Variants in GPM6B observed in about 807,000 individuals in gnomAD.
GPM6B encodes glycoprotein M6B, also known as neuronal membrane glycoprotein M6-b.
Under a neutral mutation model 27.2 loss-of-function variants are expected in GPM6B, and 4 were observed. That is an observed-to-expected ratio of 0.15 (90% CI 0.07 to 0.34). The LOEUF is 0.34. Ranked by LOEUF, GPM6B falls within the 10% of genes least tolerant of loss-of-function variation. The pLI is 1.00. For missense variants in GPM6B, 183 were observed against 261.9 expected (o/e 0.70, Z 2.08); for synonymous variants, 124 against 103.1 (o/e 1.20, Z -1.23).
intron 1 of GPM6B, among the ~76,000 whole-genome samples, chrX:13,937,661 G>T (rs1603157236): frequency 9.0e-6 from 1 of 111,675 alleles, no homozygotes; most frequent in East Asian, 2.8e-4. Flanking sequence ...CACTCTTTAC[G>T]AGTTTTCCTC....
intron 1 of GPM6B, among the ~76,000 whole-genome samples, chrX:13,909,602 TACTG>T (rs767558793): frequency 4.1e-4 from 46 of 111,638 alleles, no homozygotes; most frequent in African/African-American, 1.4e-3. Flanking sequence ...ATAATCATGG[TACTG>T]ACTATGGGCC....
intron 1 of GPM6B, among the ~76,000 whole-genome samples, chrX:13,870,708 A>G (rs1265575720): frequency 8.9e-6 from 1 of 112,397 alleles, no homozygotes; most frequent in African/African-American, 3.2e-5. Context: ...TAAAAAGTAT[A>G]CAATGAACAT....
At chrX:13,842,384 T>A (rs1311418498) in intron 1 of GPM6B, among the ~76,000 whole-genome samples, 1 of 111,791 alleles carries the variant, frequency 8.9e-6, no homozygotes, top group Non-Finnish European at 1.9e-5. Context: ...GCGAAATATA[T>A]CATAAAGTGC....
chrX:13,875,556 A>G (rs898829611), intron 1 of GPM6B, among the ~76,000 whole-genome samples: 3 of 112,091 alleles, frequency 2.7e-5, no homozygotes, highest in Non-Finnish European at 5.6e-5. Context: ...ACAGGTGCTC[A>G]AACACTTGTA....
intron 1 of GPM6B, among the ~76,000 whole-genome samples, chrX:13,871,506 T>C (rs1434070185): frequency 8.9e-6 from 1 of 112,186 alleles, no homozygotes; most frequent in Non-Finnish European, 1.9e-5. Context: ...ATTAGCGCCT[T>C]TCTCCTCAAA....
upstream of GPM6B, among the ~76,000 whole-genome samples, chrX:13,820,283 G>A: frequency 9.0e-6 from 1 of 111,332 alleles, no homozygotes; most frequent in South Asian, 3.8e-4. Flanking sequence ...GGACCCAGAT[G>A]TCATTGGATT....
At chrX:13,885,674 C>A (rs887398610) in intron 1 of GPM6B, among the ~76,000 whole-genome samples, 4 of 111,212 alleles carry the variant, frequency 3.6e-5, no homozygotes, top group Non-Finnish European at 5.7e-5. Context: ...TTTGTATGAA[C>A]AACAACCCCC....
chrX:13,783,792 G>C, intron 3 of GPM6B: 1 of 434,572 alleles, frequency 2.3e-6, no homozygotes, highest in Non-Finnish European at 4.2e-6. Context: ...AGTCCTGGGC[G>C]GCAAGGGTTA....
chrX:13,834,367 C>A (rs769524684), intron 1 of GPM6B, among the ~76,000 whole-genome samples: 1 of 112,637 alleles, frequency 8.9e-6, no homozygotes, highest in South Asian at 3.7e-4. Flanking sequence ...TGTATTTTTA[C>A]AAAATGCCTT....
At chrX:13,904,027 T>C (rs1034160808) in intron 1 of GPM6B, among the ~76,000 whole-genome samples, 2 of 111,157 alleles carry the variant, frequency 1.8e-5, no homozygotes, top group African/African-American at 6.6e-5. Flanking sequence ...CCCTGGGCAG[T>C]CAGCTGAACC....
At chrX:13,846,790 C>CCTT (rs2031185073) in intron 1 of GPM6B, among the ~76,000 whole-genome samples, 3 of 85,435 alleles carry the variant, frequency 3.5e-5, no homozygotes, top group African/African-American at 1.4e-4. Context: ...ACTGCGCCAG[C>CCTT]TTTTTTTTTT....
chrX:13,799,633 G>C (rs1433544666), intron 2 of GPM6B, among the ~76,000 whole-genome samples: 3 of 110,275 alleles, frequency 2.7e-5, no homozygotes, highest in Non-Finnish European at 5.7e-5. Flanking sequence ...TAAAAATAAA[G>C]TGATCATCAT....
intron 1 of GPM6B, among the ~76,000 whole-genome samples, chrX:13,816,267 G>A (rs903477715): frequency 3.6e-5 from 4 of 109,996 alleles, no homozygotes; most frequent in African/African-American, 1.0e-4. Flanking sequence ...AAGATCCCCC[G>A]CCCTGCCTTT....
chrX:13,934,654 G>C (rs1171559302), intron 1 of GPM6B, among the ~76,000 whole-genome samples: 1 of 112,117 alleles, frequency 8.9e-6, no homozygotes, highest in Non-Finnish European at 1.9e-5. Context: ...ATGCATTCAA[G>C]TAGTGTTTAG....
chrX:13,816,926 T>C lies in GPM6B; in HGVS notation c.-22A>G, dbSNP rs2049246813. 1 of 1,183,189 alleles carries C rather than the reference T, an allele frequency of 8.5e-7. No individual in the cohort carries two copies. The highest frequency in any genetic ancestry group is 3.0e-5 in the East Asian group (1 of 33,075). ...TCATACCATCCACCAAAAATGCTTT[T>C]CCCCCTGTTCCCCCCAACACACACT... On this transcript the variant is annotated 5_prime_UTR_variant, in exon 1 of 8. Transcript: ENST00000316715.
intron 1 of GPM6B, among the ~76,000 whole-genome samples, chrX:13,845,044 C>A (rs1400146020): frequency 1.9e-5 from 2 of 103,365 alleles, no homozygotes; most frequent in Non-Finnish European, 3.9e-5. Context: ...GGCTGGAGTG[C>A]AGTGGTGTGA....
intron 1 of GPM6B, among the ~76,000 whole-genome samples, chrX:13,848,087 C>T (rs1409330272): frequency 1.8e-5 from 2 of 111,982 alleles, no homozygotes; most frequent in Non-Finnish European, 3.8e-5. Context: ...AGGACTTCCT[C>T]CTAGTGATTG....
intron 7 of GPM6B, among the ~76,000 whole-genome samples, chrX:13,775,422 T>C (rs2048394139): frequency 1.8e-5 from 2 of 112,754 alleles, no homozygotes; most frequent in Admixed American, 9.3e-5. Context: ...TAAATAAGTA[T>C]ACTCGAAGTA....
rs151214273 is a variant in GPM6B at position 13,800,795 on chromosome X, C to A, written c.181+6855G>T. On this transcript the variant is annotated intron_variant, in intron 2 of 7. Transcript: ENST00000316715. ...CCTGGGGGAGCTTCTTAAAATGGGC[C>A]AAATTTCTGGGACCCATCGCAGAGA... Among the ~76,000 whole-genome samples the A allele has an allele frequency of 3.4e-3, 379 of 110,658 alleles. 3 individuals are homozygous for A. Among genetic ancestry groups the A allele is most frequent in the Non-Finnish European group, 5.8e-3 (308 of 52,828 alleles).
Sources: allele counts gnomAD v4.1 joint callset (sites outside exome capture counted in the v4.1 genomes callset), GRCh38; gene constraint gnomAD v4.1.1; transcripts MANE v1.5; gene names NCBI Gene and HGNC (gene_info 2026-07-23, HGNC 2026-07-21).